The following VMP1 variants were observed in gnomAD, a reference collection of about 807,000 sequenced individuals.
The protein encoded by VMP1 is vacuole membrane protein 1, also known as ectopic P-granules autophagy protein 3 homolog.
VMP1 carries 11 observed loss-of-function variants against 56.0 expected under a neutral mutation model. That is an observed-to-expected ratio of 0.20 (90% CI 0.12 to 0.32). VMP1 has a LOEUF of 0.32. VMP1 is among the 10% of genes least tolerant of loss of function. The pLI is 1.00. For synonymous variants in VMP1, 149 were observed against 165.0 expected, an observed-to-expected ratio of 0.90 and a Z score of 0.74; for missense variants, 296 against 490.3, an observed-to-expected ratio of 0.60 and a Z score of 3.74.
chr17:59,787,915 A>G (rs958025032), intron 7 of VMP1, among the ~76,000 whole-genome samples: 2 of 152,208 alleles, frequency 1.3e-5, no homozygotes, highest in African/African-American at 2.4e-5. Context: ...CACTTTTGTA[A>G]CAAAATAAGA....
At chr17:59,714,465 G>A (rs1273978364) in intron 1 of VMP1, among the ~76,000 whole-genome samples, 2 of 151,974 alleles carry the variant, frequency 1.3e-5, no homozygotes, top group African/African-American at 4.8e-5. Context: ...AGTTTTGGAG[G>A]GGACACATAC....
intron 10 of VMP1, among the ~76,000 whole-genome samples, chr17:59,823,305 G>C (rs950602437): frequency 1.6e-4 from 24 of 151,948 alleles, no homozygotes; most frequent in African/African-American, 5.8e-4. Flanking sequence ...ACAAAAATTA[G>C]CTGGGCATGG....
At chr17:59,759,468 T>C (rs1239151915) in intron 5 of VMP1, among the ~76,000 whole-genome samples, 1 of 152,246 alleles carries the variant, frequency 6.6e-6, no homozygotes, top group Non-Finnish European at 1.5e-5. Context: ...TCACACTCTG[T>C]TATTGGTTGT....
At chr17:59,774,993 G>A (rs925053094) in intron 7 of VMP1, among the ~76,000 whole-genome samples, 5 of 150,542 alleles carry the variant, frequency 3.3e-5, no homozygotes, top group East Asian at 2.0e-4. Flanking sequence ...CAAGGCTGGC[G>A]TGCAGTGGCC....
chr17:59,720,698 G>A (rs1212536323), intron 1 of VMP1, among the ~76,000 whole-genome samples: 1 of 152,328 alleles, frequency 6.6e-6, no homozygotes, highest in East Asian at 1.9e-4. Flanking sequence ...TCTTGGCTGG[G>A]CGTGGTGGCT....
intron 7 of VMP1, among the ~76,000 whole-genome samples, chr17:59,806,562 A>G (rs890690764): frequency 6.6e-6 from 1 of 151,962 alleles, no homozygotes; most frequent in African/African-American, 2.4e-5. Context: ...TAAAAATACA[A>G]AAATTAGCCA....
chr17:59,727,151 G>A (rs1193358864), intron 1 of VMP1, among the ~76,000 whole-genome samples: 2 of 143,996 alleles, frequency 1.4e-5, no homozygotes, highest in Admixed American at 1.4e-4. Flanking sequence ...GTTTTTTTTT[G>A]AGACGGAGTC....
At chr17:59,798,620 C>T (rs929866491) in intron 7 of VMP1, among the ~76,000 whole-genome samples, 4 of 152,214 alleles carry the variant, frequency 2.6e-5, no homozygotes, top group African/African-American at 4.8e-5. Context: ...GGCACGGTGG[C>T]TCACGCCTGT....
chr17:59,815,787 C>T (rs1282375344), intron 9 of VMP1, among the ~76,000 whole-genome samples: 1 of 138,342 alleles, frequency 7.2e-6, no homozygotes, highest in East Asian at 2.1e-4. Context: ...AACCAGGAGG[C>T]GGAGGTTGCA....
chr17:59,718,358 G>A (rs1225486717), intron 1 of VMP1, among the ~76,000 whole-genome samples: 7 of 151,276 alleles, frequency 4.6e-5, no homozygotes, highest in Admixed American at 1.3e-4. Flanking sequence ...CACCACGCCC[G>A]GCTGATTTTT....
intron 7 of VMP1, among the ~76,000 whole-genome samples, chr17:59,799,830 G>T (rs933784283): frequency 6.6e-6 from 1 of 151,838 alleles, no homozygotes; most frequent in Non-Finnish European, 1.5e-5. Flanking sequence ...AGGTGTGGTG[G>T]CAGGCCCCTG....
intron 3 of VMP1, among the ~76,000 whole-genome samples, chr17:59,737,063 A>G (rs899129538): frequency 6.6e-6 from 1 of 152,164 alleles, no homozygotes; most frequent in Non-Finnish European, 1.5e-5. Flanking sequence ...GTAAATAAAG[A>G]TTATAAAAAC....
At chr17:59,744,179 G>T (rs2035331890) in intron 5 of VMP1, among the ~76,000 whole-genome samples, 1 of 151,144 alleles carries the variant, frequency 6.6e-6, no homozygotes, top group African/African-American at 2.4e-5. Context: ...GCCAATATTT[G>T]ACCAGGCGCG....
At chr17:59,734,934 G>T (rs2143818625) in intron 2 of VMP1, among the ~76,000 whole-genome samples, 2 of 114,446 alleles carry the variant, frequency 1.7e-5, no homozygotes, top group Non-Finnish European at 3.4e-5. Context: ...TTGAGACAGA[G>T]TCTCTTTCAT....
chr17:59,742,329 G>A (rs567206533), intron 5 of VMP1, among the ~76,000 whole-genome samples: 2 of 151,944 alleles, frequency 1.3e-5, no homozygotes, highest in African/African-American at 2.4e-5. Flanking sequence ...GCAAGACCCC[G>A]TTTCTGAAAA....
chr17:59,723,876 T>C (rs2034490305), intron 1 of VMP1, among the ~76,000 whole-genome samples: 1 of 152,186 alleles, frequency 6.6e-6, no homozygotes, highest in Admixed American at 6.5e-5. Context: ...GTAGGCTTAA[T>C]AGTAGTGGGA....
At chr17:59,834,263 T>G (rs1234009469) in intron 10 of VMP1, among the ~76,000 whole-genome samples, 1 of 151,710 alleles carries the variant, frequency 6.6e-6, no homozygotes, top group Non-Finnish European at 1.5e-5. Flanking sequence ...AGCCTTGTTT[T>G]TGTTTTTGTT....
intron 5 of VMP1, among the ~76,000 whole-genome samples, chr17:59,750,164 C>T (rs758090073): frequency 3.3e-5 from 5 of 151,252 alleles, no homozygotes; most frequent in Non-Finnish European, 7.4e-5. Flanking sequence ...ATTTGCATAA[C>T]AGTTTTATAT....
intron 1 of VMP1, among the ~76,000 whole-genome samples, chr17:59,715,492 G>A (rs1304642136): frequency 1.3e-5 from 2 of 152,128 alleles, no homozygotes; most frequent in Middle Eastern, 6.8e-3. Flanking sequence ...TGGGGGAAAC[G>A]GCCCCCATGA....
Sources: gnomAD v4.1 joint callset for allele counts (sites outside exome capture counted in the v4.1 genomes callset) on GRCh38, gnomAD v4.1.1 for gene constraint, MANE v1.5 for transcripts, NCBI Gene and HGNC (gene_info 2026-07-23, HGNC 2026-07-21) for gene names.